The following ACSL6 variants were observed in gnomAD, a reference collection of about 807,000 sequenced individuals.
The protein encoded by ACSL6 is acyl-CoA synthetase long chain family member 6.
Under a neutral mutation model 98.2 loss-of-function variants are expected in ACSL6, and 47 were observed. The ratio of observed to expected loss-of-function variants is 0.48; its 90% CI spans 0.38 to 0.61. The LOEUF is 0.61. Ranked by LOEUF, ACSL6 falls within the 20% of genes least tolerant of loss-of-function variation. ACSL6 has a pLI of 0.00. For synonymous variants in ACSL6, 362 were observed against 336.9 expected, an observed-to-expected ratio of 1.07 and a Z score of -0.82; for missense variants, 761 against 913.4, an observed-to-expected ratio of 0.83 and a Z score of 2.15.
chr5:131,990,540 G>A (rs569431230), intron 3 of ACSL6, among the ~76,000 whole-genome samples: 1 of 152,260 alleles, frequency 6.6e-6, no homozygotes, highest in Admixed American at 6.5e-5. Context: ...ACATCTCAGA[G>A]GTTCAGGTTC....
chr5:132,004,059 G>A (rs576977310), intron 1 of ACSL6, among the ~76,000 whole-genome samples: 7 of 152,144 alleles, frequency 4.6e-5, no homozygotes, highest in Non-Finnish European at 7.4e-5. Flanking sequence ...TGGAGGGCAC[G>A]TGTGTCCTCT....
Position 132,000,113 on chromosome 5 carries a change from C to T in ACSL6, c.50-5862G>A, listed in dbSNP as rs182948397. Among the ~76,000 whole-genome samples, 713 of 152,166 alleles carry T rather than the reference C, an allele frequency of 4.7e-3. 5 individuals are homozygous for T. Among genetic ancestry groups the T allele is most frequent in the African/African-American group, 8.5e-3 (354 of 41,480 alleles). On this transcript the variant is annotated intron_variant, in intron 1 of 20. Coordinates refer to ENST00000651883, the MANE Select transcript of ACSL6 (RefSeq NM_001009185.3). Reference sequence around the variant, plus strand: ...CTACCCGGGAGATTCTGCCTCCAGCCTCTCCCAGGGGCTGCCTCTGCTCCC... The same window carrying T: ...CTACCCGGGAGATTCTGCCTCCAGCTTCTCCCAGGGGCTGCCTCTGCTCCC...
At position 131,971,650 on chromosome 5, in the gene ACSL6, G is replaced by A; in HGVS notation, c.1339-5C>T. On this transcript the variant is annotated splice_polypyrimidine_tract_variant and splice_region_variant and intron_variant, in intron 13 of 20. Coordinates refer to ENST00000651883, the MANE Select transcript of ACSL6 (RefSeq NM_001009185.3). ...CACACACCCACCAAGACTGGCCTGTGGGAAGAAAGAAGAGCTGCCAAATTT... is the reference window on the plus strand; with the variant it reads ...CACACACCCACCAAGACTGGCCTGTAGGAAGAAAGAAGAGCTGCCAAATTT... 6.3e-7 allele frequency: 1 copy of A among 1,596,704 alleles called. No homozygotes were observed.
chr5:131,990,488 G>A (rs1198793909), intron 3 of ACSL6, among the ~76,000 whole-genome samples: 2 of 152,130 alleles, frequency 1.3e-5, no homozygotes, highest in South Asian at 4.1e-4. Context: ...GGGAGGAGGT[G>A]GTAGGCTGCC....
chr5:131,981,507 G>T (rs1753894715), intron 9 of ACSL6, among the ~76,000 whole-genome samples: 2 of 151,960 alleles, frequency 1.3e-5, no homozygotes, highest in African/African-American at 2.4e-5. Context: ...ACCCTTCCAG[G>T]GTGCCATTAT....
chr5:131,957,643 G>A (rs549038151), intron 20 of ACSL6, among the ~76,000 whole-genome samples: 25 of 152,272 alleles, frequency 1.6e-4, no homozygotes, highest in Admixed American at 8.5e-4. Context: ...ACTTGAATTC[G>A]TTATTTCTGT....
intron 9 of ACSL6, among the ~76,000 whole-genome samples, chr5:131,977,297 T>C (rs1753672564): frequency 2.0e-5 from 3 of 152,216 alleles, no homozygotes; most frequent in Admixed American, 2.0e-4. Flanking sequence ...CTTTCACTAC[T>C]GCTCGTGAGG....
chr5:131,959,428 G>A (rs1752584086), intron 20 of ACSL6, 108 bp downstream of exon 20: 14 of 1,218,518 alleles, frequency 1.1e-5, no homozygotes, highest in South Asian at 5.3e-5. Context: ...GCCTGCTGGC[G>A]GGCCACACCA....
rs1453321931 is a variant in ACSL6 at position 131,993,745 on chromosome 5, A to C, written c.270+286T>G. 5 of 418,108 alleles carry C rather than the reference A, an allele frequency of 1.2e-5. No homozygotes were observed. The East Asian group carries it at 2.4e-4, about 20-fold the overall frequency. The allele number at this position is 418,108 out of a possible 1,614,324, so 25.9% of individuals were successfully genotyped here. A position where few individuals can be genotyped will look rare whatever the true frequency, so the allele number is the denominator to read the frequency against. ...AGAACCTGCTTAGGCTTCCTACTGC[A>C]ATACCAATGAGCCAAGGCCCTCCTA... On this transcript the variant is annotated intron_variant, in intron 2 of 20. Transcript: ENST00000651883.
At position 131,974,911 on chromosome 5, in the gene ACSL6, C is replaced by T. The variant is rs1309551262; in HGVS notation, c.1050G>A (p.Met350Ile). 6.2e-7 allele frequency: 1 copy of T among 1,614,192 alleles called. No individual in the cohort carries two copies. Among genetic ancestry groups the T allele is most frequent in the East Asian group, 2.2e-5 (1 of 44,882 alleles). The change falls in exon 11 of 21, where the codon ATG (methionine) becomes ATA (isoleucine). Residue 350 changes from methionine (M) to isoleucine (I), a missense_variant. Coordinates refer to ENST00000651883, the MANE Select transcript of ACSL6 (RefSeq NM_001009185.3). ...GTCTTACCTGGATTACTCTCTCAAA[C>T]ATGTGAGCCAGAGGCAGGAAGGAGA... ...VLISFLPLAH[M>I]FERVIQSVVY...
intron 8 of ACSL6, among the ~76,000 whole-genome samples, chr5:131,985,989 C>A (rs956493355): frequency 6.6e-6 from 1 of 152,228 alleles, no homozygotes; most frequent in Non-Finnish European, 1.5e-5. Flanking sequence ...AGGAGCCCAC[C>A]AAGTCTGCTT....
intron 1 of ACSL6, among the ~76,000 whole-genome samples, chr5:131,995,656 A>G (rs985333632): frequency 2.0e-5 from 3 of 152,206 alleles, no homozygotes; most frequent in African/African-American, 7.2e-5. Context: ...TGAAATCCCA[A>G]TAAATGGCAT....
chr5:132,011,761 G>T, upstream of ACSL6: 1 of 1,309,252 alleles, frequency 7.6e-7, no homozygotes, highest in Non-Finnish European at 9.8e-7. The surrounding 1 kb of genome is among the most constrained non-coding windows in gnomAD (Gnocchi z 5.4). Flanking sequence ...ACTCGCAACC[G>T]AGCCTTACTC....
rs200252875 is a variant in ACSL6 at position 131,972,729 on chromosome 5, T to C, written c.1333A>G (p.Ile445Val). 32 of 1,614,178 alleles carry C rather than the reference T, an allele frequency of 2.0e-5. No homozygotes were observed. The East Asian group carries it at 4.0e-4, about 20-fold the overall frequency. The part of the protein sequence containing the change: ...SIWDELFFNK[I>V]QASLGGCVRM... ...TCACTTGTTCATTTTCTTACCTGAA[T>C]CTTATTAAAGAAGAGTTCATCCCAG... The change falls in exon 13 of 21, where the codon ATT becomes GTT. Residue 445 changes from isoleucine (I) to valine (V), a missense_variant. Coordinates refer to ENST00000651883, the MANE Select transcript of ACSL6 (RefSeq NM_001009185.3).
At chr5:131,958,063 G>C (rs911171074) in intron 20 of ACSL6, among the ~76,000 whole-genome samples, 3 of 152,202 alleles carry the variant, frequency 2.0e-5, no homozygotes, top group Admixed American at 1.3e-4. Flanking sequence ...CTCAGTGAAA[G>C]CTCTAACCAG....
Position 132,011,475 on chromosome 5 carries a change from G to C in ACSL6, c.49+30C>G. The C allele has an allele frequency of 1.2e-6, 2 of 1,605,540 alleles. No homozygotes were observed. The highest frequency in any genetic ancestry group is 1.7e-6 in the Non-Finnish European group (2 of 1,173,814). On this transcript the variant is annotated intron_variant, in intron 1 of 20. Transcript: ENST00000651883. The surrounding 1 kb of genome is among the most constrained non-coding windows in gnomAD (Gnocchi z 5.4). ...ACCTCATAGCCTGCGGGAGATGGGAGTCCGGGACGCGGACAGGACGGGCAC... is the reference window on the plus strand; with the variant it reads ...ACCTCATAGCCTGCGGGAGATGGGACTCCGGGACGCGGACAGGACGGGCAC...
At chr5:131,956,585 A>T (rs1752420426) in intron 20 of ACSL6, among the ~76,000 whole-genome samples, 1 of 152,176 alleles carries the variant, frequency 6.6e-6, no homozygotes, top group South Asian at 2.1e-4. Flanking sequence ...CTATGAAAAT[A>T]CCTATACAAC....
At chr5:131,993,153 G>A (rs763479707) in intron 2 of ACSL6, 4 of 152,272 alleles carry the variant, frequency 2.6e-5, no homozygotes, top group Non-Finnish European at 2.9e-5. Flanking sequence ...CCATTCTTCC[G>A]CTGGAAAAAT....
intron 11 of ACSL6, 117 bp downstream of exon 11, chr5:131,974,776 C>T: frequency 6.2e-7 from 1 of 1,611,006 alleles, no homozygotes; most frequent in Non-Finnish European, 8.5e-7. Flanking sequence ...TTCGCTCAAA[C>T]ATGTGTGCTA....
Sources: gnomAD v4.1 joint callset for allele counts (sites outside exome capture counted in the v4.1 genomes callset) on GRCh38, gnomAD v4.1.1 for gene constraint, Gnocchi (gnomAD v3.1) non-coding constraint, MANE v1.5 for transcripts, NCBI Gene and HGNC (gene_info 2026-07-23, HGNC 2026-07-21) for gene names.